TSEN15: variants seen among roughly 807,000 people sequenced by gnomAD.
The protein encoded by TSEN15 is tRNA-splicing endonuclease subunit Sen15.
In TSEN15, 10 loss-of-function variants were observed where a neutral mutation model predicts 20.5. The ratio of observed to expected loss-of-function variants is 0.49; its 90% CI spans 0.30 to 0.83. The LOEUF (loss-of-function observed/expected upper bound fraction) is 0.83. TSEN15 is among the 40% of genes least tolerant of loss of function. The pLI is 0.06. For synonymous variants in TSEN15, 72 were observed against 80.1 expected, an observed-to-expected ratio of 0.90 and a Z score of 0.54; for missense variants, 180 against 218.6, an observed-to-expected ratio of 0.82 and a Z score of 1.11.
intron 4 of TSEN15, 33 bp downstream of exon 4, chr1:184,072,331 C>A: frequency 6.4e-7 from 1 of 1,563,034 alleles, no homozygotes; most frequent in Non-Finnish European, 8.6e-7. Context: ...GCAAGAAGTA[C>A]AAAAAGAGGA....
At position 184,072,275 on chromosome 1, in the gene TSEN15, G is replaced by T; in HGVS notation, c.472G>T (p.Gly158Ter). The change falls in exon 4 of 5, where the codon GGA becomes TGA. Residue 158 changes from glycine (G) to a stop codon, truncating the protein, a stop_gained. Coordinates refer to ENST00000645668, the MANE Select transcript of TSEN15 (RefSeq NM_052965.4). LOFTEE classifies it high-confidence loss of function. Reference protein sequence around the residue: ...STIVYYKLTDGFMLPDPQNIS... With the variant: ...STIVYYKLTD Reference sequence around the variant, plus strand: ...AATAGTCTATTATAAACTTACTGATGGATTTATGCTGCCAGACCCTCAGGT... The same window carrying T: ...AATAGTCTATTATAAACTTACTGATTGATTTATGCTGCCAGACCCTCAGGT... 6.2e-7 allele frequency: 1 copy of T among 1,610,218 alleles called. No homozygotes were observed. Among genetic ancestry groups the T allele is most frequent in the South Asian group, 1.1e-5 (1 of 90,418 alleles).
intron 3 of TSEN15, among the ~76,000 whole-genome samples, chr1:184,090,946 G>C (rs779173349): frequency 5.9e-5 from 9 of 152,122 alleles, no homozygotes; most frequent in Non-Finnish European, 1.0e-4. Context: ...TGGAGAGGGA[G>C]GGCTGAGGTT....
At chr1:184,064,042 T>C (rs1012623961) in intron 3 of TSEN15, among the ~76,000 whole-genome samples, 4 of 152,150 alleles carry the variant, frequency 2.6e-5, no homozygotes, top group African/African-American at 9.7e-5. Flanking sequence ...TATTTATTTA[T>C]TGGCTGCCTG....
In TSEN15 at chr1:184,054,525, G is replaced by A. The variant is rs377585660; in HGVS notation, c.217+90G>A. 8 of 1,208,200 alleles carry A rather than the reference G, an allele frequency of 6.6e-6. No individual in the cohort carries two copies. The East Asian group carries it at 1.2e-4, about 18-fold the overall frequency. 74.8% of individuals were successfully genotyped at this position (1,208,200 alleles called of 1,614,324 possible). The stretch of plus-strand genomic sequence containing the variant: ...GGATATAGCATTCTTAACATAATAA[G>A]CAATCTTTTATGCATTTGCTGTTAA... On this transcript the variant is annotated intron_variant, in intron 2 of 4. Transcript: ENST00000645668.
chr1:184,054,249 A>C (rs1472446232), intron 1 of TSEN15, 105 bp from the exon 2 acceptor site: 3 of 678,260 alleles, frequency 4.4e-6, no homozygotes, highest in African/African-American at 1.8e-5. Flanking sequence ...CACTATACCT[A>C]GAAGAATTTT....
At chr1:184,087,832 A>G (rs1651288970) in intron 3 of TSEN15, among the ~76,000 whole-genome samples, 1 of 152,226 alleles carries the variant, frequency 6.6e-6, no homozygotes, top group Non-Finnish European at 1.5e-5. Flanking sequence ...AAGGAAATAC[A>G]GGAGTTAAAA....
chr1:184,052,076 C>A (rs970750231), intron 1 of TSEN15, among the ~76,000 whole-genome samples, 186 bp downstream of exon 1: 1 of 152,166 alleles, frequency 6.6e-6, no homozygotes, highest in Non-Finnish European at 1.5e-5. Flanking sequence ...AAACAAGTTG[C>A]ACTATCTCAA....
intron 3 of TSEN15, among the ~76,000 whole-genome samples, chr1:184,088,522 C>T (rs889893717): frequency 6.6e-6 from 1 of 151,608 alleles, no homozygotes; most frequent in Non-Finnish European, 1.5e-5. Flanking sequence ...TTGACTATTT[C>T]ACATGTTGTC....
chr1:184,069,864 TA>T (rs1650820769), intron 3 of TSEN15, among the ~76,000 whole-genome samples: 1 of 151,966 alleles, frequency 6.6e-6, no homozygotes, highest in Non-Finnish European at 1.5e-5. Flanking sequence ...GTACCTTGAG[TA>T]ACAGAGGCAG....
At position 184,095,675 on chromosome 1, in the gene TSEN15, C is replaced by G. The variant is rs544256065; in HGVS notation, c.354-15C>G. 6.7e-4 allele frequency: 267 copies of G among 398,032 alleles called. 1 individual carries two copies. The highest frequency in any genetic ancestry group is 9.8e-4 in the Non-Finnish European group (222 of 225,932). 24.7% of individuals were successfully genotyped at this position (398,032 alleles called of 1,614,324 possible). A position where few individuals can be genotyped will look rare whatever the true frequency, so the allele number is the denominator to read the frequency against. ...TCTCTCTCTCTCTCTCTCTGTGTCT[C>G]TCTCTCTTTCCCAGTTGTACACAGA... On this transcript the variant is annotated splice_polypyrimidine_tract_variant and intron_variant, in intron 3 of 3. Transcript: ENST00000643231.
intron 3 of TSEN15, among the ~76,000 whole-genome samples, chr1:184,056,415 C>T (rs1650250326): frequency 6.6e-6 from 1 of 151,936 alleles, no homozygotes; most frequent in African/African-American, 2.4e-5. Context: ...TTAGTTTTCT[C>T]ATTGACTTGT....
intron 3 of TSEN15, among the ~76,000 whole-genome samples, chr1:184,056,863 C>T (rs1650267093): frequency 6.6e-6 from 1 of 152,082 alleles, no homozygotes; most frequent in Non-Finnish European, 1.5e-5. Context: ...TTGCCAATAC[C>T]ATATCTCTTA....
chr1:184,064,229 A>G (rs907763699), intron 3 of TSEN15, among the ~76,000 whole-genome samples: 1 of 152,182 alleles, frequency 6.6e-6, no homozygotes, highest in Non-Finnish European at 1.5e-5. Flanking sequence ...AAGAGACAAG[A>G]GAGTCTGGGA....
chr1:184,075,331 C>CATTTATTATCTTAT (rs1372350821), downstream of TSEN15, among the ~76,000 whole-genome samples: 10 of 152,102 alleles, frequency 6.6e-5, no homozygotes, highest in Non-Finnish European at 1.5e-5. Context: ...GGAGGCCACC[C>CATTTATTATCTTAT]AGCTGTGTAT....
At chr1:184,079,754 T>C (rs935878711) in intron 3 of TSEN15, among the ~76,000 whole-genome samples, 2 of 152,128 alleles carry the variant, frequency 1.3e-5, no homozygotes, top group African/African-American at 4.8e-5. Flanking sequence ...AGGATTTCAA[T>C]ATATGAATTT....
At chr1:184,072,507 T>C (rs1030307446) in intron 4 of TSEN15, 1 of 560,058 alleles carries the variant, frequency 1.8e-6, no homozygotes, top group African/African-American at 2.0e-5. Flanking sequence ...AAAAAAAAAT[T>C]GATTTCCTTA....
intron 3 of TSEN15, among the ~76,000 whole-genome samples, chr1:184,059,324 A>G (rs1183070931): frequency 6.6e-6 from 1 of 152,174 alleles, no homozygotes; most frequent in Non-Finnish European, 1.5e-5. Context: ...CATGGTGTCT[A>G]GTCAGAGTAG....
At chr1:184,070,670 G>A in intron 3 of TSEN15, 1 of 1,289,718 alleles carries the variant, frequency 7.8e-7, no homozygotes, top group South Asian at 1.3e-5. Flanking sequence ...TAAAAGATTT[G>A]CATTGAAGAA....
intron 3 of TSEN15, chr1:184,070,807 A>T (rs141841692): frequency 4.2e-6 from 2 of 473,022 alleles, no homozygotes; most frequent in Middle Eastern, 4.8e-4. Context: ...ATTCTTGTGA[A>T]TAAGAATCTA....
Sources: gnomAD v4.1 joint callset for allele counts (sites outside exome capture counted in the v4.1 genomes callset) on GRCh38, gnomAD v4.1.1 for gene constraint, MANE v1.5 for transcripts, NCBI Gene and HGNC (gene_info 2026-07-23, HGNC 2026-07-21) for gene names.